The following NTNG2 variants were observed in gnomAD, a reference collection of about 807,000 sequenced individuals.
NTNG2 encodes the protein netrin-G2.
A neutral mutation model predicts 47.6 loss-of-function variants in NTNG2; 15 were observed. The observed-to-expected ratio is 0.32, with a 90% CI of 0.21 to 0.49. The LOEUF is 0.49. Among genes scored for constraint, NTNG2 ranks in the 20% least tolerant of loss-of-function variants. The pLI, the probability that NTNG2 is intolerant of heterozygous loss-of-function variation, is 0.99. For synonymous variants in NTNG2, 307 were observed against 324.6 expected, an observed-to-expected ratio of 0.95 and a Z score of 0.58; for missense variants, 578 against 764.6, an observed-to-expected ratio of 0.76 and a Z score of 2.88.
intron 2 of NTNG2, among the ~76,000 whole-genome samples, chr9:132,190,232 CAAAAAA>C (rs58974463): frequency 1.4e-5 from 1 of 69,928 alleles, no homozygotes; most frequent in African/African-American, 5.6e-5. Context: ...GACTCCATCT[CAAAAAA>C]AAAAAAAAAA....
chr9:132,237,305 G>T (rs1437617773), intron 5 of NTNG2, among the ~76,000 whole-genome samples: 1 of 152,152 alleles, frequency 6.6e-6, no homozygotes. Flanking sequence ...ATCTGAGCAG[G>T]CGACAAGGCT....
chr9:132,214,640 C>T (rs376934651), intron 3 of NTNG2, among the ~76,000 whole-genome samples: 2 of 152,196 alleles, frequency 1.3e-5, no homozygotes, highest in Admixed American at 6.5e-5. Flanking sequence ...CAAGTGAGTG[C>T]GCCCCATGTC....
rs950546861 is a variant in NTNG2, at chr9:132,162,893, G to A, written c.-484+654G>A. On this transcript the variant is annotated intron_variant, in intron 1 of 7. Transcript: ENST00000393229. This position sits in a 1 kb window ranked among gnomAD's most constrained non-coding sequence, Gnocchi z 4.6. ...GGCGTGGAGTCGAACCTGGAACTGA[G>A]CGGCGCGCAGGTGGGGGGAGCAGAG... Among the ~76,000 whole-genome samples the A allele has an allele frequency of 1.3e-5, 2 of 152,092 alleles. No individual in the cohort carries two copies. Among genetic ancestry groups the A allele is most frequent in the Non-Finnish European group, 2.9e-5 (2 of 68,010 alleles).
chr9:132,202,298 G>A (rs1838826335), intron 3 of NTNG2, among the ~76,000 whole-genome samples: 1 of 152,158 alleles, frequency 6.6e-6, no homozygotes. Flanking sequence ...GGAGGAGCTG[G>A]AGCAGCTGCA....
chr9:132,183,659 C>G (rs569860971), intron 2 of NTNG2, among the ~76,000 whole-genome samples: 2 of 152,110 alleles, frequency 1.3e-5, no homozygotes, highest in Admixed American at 6.5e-5. Flanking sequence ...GCAAATTGCC[C>G]GAGTCACCAG....
chr9:132,198,056 G>T lies in NTNG2; in HGVS notation c.304G>T (p.Gly102Cys). ...GCTCATGTTCGACAAGGAGGAGGAG[G>T]GCCTGGCCACCTACTGGCAGAGCAT... is the stretch of plus-strand genomic sequence containing the variant. ...PRLMFDKEEEGLATYWQSITW... is the reference protein window; with the variant it reads ...PRLMFDKEEECLATYWQSITW... Residue 102 changes from glycine to cysteine, a missense_variant, in exon 3 of 8, where the codon GGC (glycine) becomes TGC (cysteine). Gly to Cys is a radical substitution (Grantham distance 159). Transcript: ENST00000393229. 6.2e-7 allele frequency: 1 copy of T among 1,613,686 alleles called. No individual in the cohort carries two copies. Among genetic ancestry groups the T allele is most frequent in the Non-Finnish European group, 8.5e-7 (1 of 1,179,958 alleles).
Position 132,226,715 on chromosome 9 carries a change from G to C in NTNG2, c.858-134G>C, listed in dbSNP as rs560451667. 12 of 671,128 alleles carry C rather than the reference G, an allele frequency of 1.8e-5. No homozygotes were observed. Among genetic ancestry groups the C allele is most frequent in the Non-Finnish European group, 2.8e-5 (12 of 423,314 alleles). The allele number at this position is 671,128 out of a possible 1,614,324, so 41.6% of individuals were successfully genotyped here. A position where few individuals can be genotyped will look rare whatever the true frequency, so the allele number is the denominator to read the frequency against. On this transcript the variant is annotated intron_variant, in intron 3 of 7. Transcript: ENST00000393229. The surrounding 1 kb of genome is among the most constrained non-coding windows in gnomAD (Gnocchi z 4.8). Reference sequence around the variant, plus strand: ...AGTTTCTGGCCTAAAGGTTGGGCTGGTGGCCTCCAGGGTTTCTTCCTGGGC... The same window carrying C: ...AGTTTCTGGCCTAAAGGTTGGGCTGCTGGCCTCCAGGGTTTCTTCCTGGGC...
At position 132,242,035 on chromosome 9, in the gene NTNG2, C is replaced by T; in HGVS notation, c.1517C>T (p.Pro506Leu). Reference protein sequence around the residue: ...DDGGLDCDRAPGAAPRPATLL... With the variant: ...DDGGLDCDRALGAAPRPATLL... ...GGCGGTCTGGACTGCGACCGCGCGC[C>T]CGGGGCCGCCCCGCGCCCCGCCACC... Residue 506 changes from proline to leucine, a missense_variant, in exon 8 of 8, where the codon CCC becomes CTC. Transcript: ENST00000393229. The surrounding 1 kb of genome is among the most constrained non-coding windows in gnomAD (Gnocchi z 5.9). 1 of 1,290,240 alleles carries T rather than the reference C, an allele frequency of 7.8e-7. No homozygotes were observed. The highest frequency in any genetic ancestry group is 9.8e-7 in the Non-Finnish European group (1 of 1,023,268). The allele number at this position is 1,290,240 out of a possible 1,614,324, so 79.9% of individuals were successfully genotyped here.
At chr9:132,165,903 C>G (rs1415597699) in intron 1 of NTNG2, 2 of 152,184 alleles carry the variant, frequency 1.3e-5, no homozygotes, top group Non-Finnish European at 1.5e-5. Flanking sequence ...CTAATGCAGC[C>G]TCATTTTTTG....
intron 5 of NTNG2, among the ~76,000 whole-genome samples, chr9:132,234,876 T>C (rs577828058): frequency 2.8e-4 from 43 of 152,382 alleles, no homozygotes; most frequent in African/African-American, 9.9e-4. Flanking sequence ...ACTTGTTAGC[T>C]GGTAGCTTTT....
intron 2 of NTNG2, among the ~76,000 whole-genome samples, chr9:132,170,746 G>A (rs540864642): frequency 1.3e-5 from 2 of 152,270 alleles, no homozygotes; most frequent in East Asian, 3.9e-4. Context: ...CAGGCAGCAG[G>A]GTGCCAAGGG....
At chr9:132,165,139 C>A (rs1427164665) in intron 1 of NTNG2, among the ~76,000 whole-genome samples, 1 of 152,168 alleles carries the variant, frequency 6.6e-6, no homozygotes, top group Non-Finnish European at 1.5e-5. Flanking sequence ...TTTTTTACTG[C>A]AGTAACCTTT....
At chr9:132,219,163 G>T (rs760408444) in intron 3 of NTNG2, among the ~76,000 whole-genome samples, 25 of 151,236 alleles carry the variant, frequency 1.7e-4, no homozygotes, top group Non-Finnish European at 3.4e-4. Flanking sequence ...ATTGCAGTGA[G>T]CTGTGATCGT....
chr9:132,209,641 G>A (rs1839436698), intron 3 of NTNG2, among the ~76,000 whole-genome samples: 2 of 152,212 alleles, frequency 1.3e-5, no homozygotes, highest in Non-Finnish European at 2.9e-5. Context: ...CACAGTAGAC[G>A]CACCCAGAGC....
At chr9:132,210,953 TAAAC>T (rs889741399) in intron 3 of NTNG2, among the ~76,000 whole-genome samples, 1 of 152,046 alleles carries the variant, frequency 6.6e-6, no homozygotes, top group African/African-American at 2.4e-5. Flanking sequence ...GACTCACACA[TAAAC>T]ACACACCTGC....
At position 132,242,712 on chromosome 9, in the gene NTNG2, T is replaced by TA. The variant is rs1842063761; in HGVS notation, c.*601_*602insA. On this transcript the variant is annotated 3_prime_UTR_variant, in exon 8 of 8. Transcript: ENST00000393229. The surrounding 1 kb of genome is among the most constrained non-coding windows in gnomAD (Gnocchi z 5.9). ...GGTGGGGGGCCTGGAAACTTCGTTC[T>TA]GTAGAGAACTATTTTTGTTTGTATT... The TA allele has an allele frequency of 6.6e-6, 1 of 152,254 alleles. No homozygotes were observed. The highest frequency in any genetic ancestry group is 2.1e-4 in the South Asian group (1 of 4,834). The allele number at this position is 152,254 out of a possible 1,614,324, so 9.4% of individuals were successfully genotyped here. A position where few individuals can be genotyped will look rare whatever the true frequency, so the allele number is the denominator to read the frequency against.
chr9:132,223,982 T>TTAGA, intron 3 of NTNG2, among the ~76,000 whole-genome samples: 1 of 152,280 alleles, frequency 6.6e-6, no homozygotes, highest in Non-Finnish European at 1.5e-5. Context: ...CTCATGCTCT[T>TTAGA]GCCTCTTTCT....
chr9:132,195,479 T>C (rs1838230197), intron 2 of NTNG2, among the ~76,000 whole-genome samples: 9 of 140,006 alleles, frequency 6.4e-5, no homozygotes, highest in Non-Finnish European at 1.6e-5. Flanking sequence ...TGGCTATTTT[T>C]TTTTTTTTTT....
At chr9:132,200,530 G>A (rs1838667057) in intron 3 of NTNG2, among the ~76,000 whole-genome samples, 1 of 152,276 alleles carries the variant, frequency 6.6e-6, no homozygotes, top group South Asian at 2.1e-4. Flanking sequence ...GGGTTGGGGA[G>A]AAAGGCTGGA....
Sources: allele counts gnomAD v4.1 joint callset (sites outside exome capture counted in the v4.1 genomes callset), GRCh38; gene constraint gnomAD v4.1.1; non-coding constraint Gnocchi (gnomAD v3.1); transcripts MANE v1.5; gene names NCBI Gene and HGNC (gene_info 2026-07-23, HGNC 2026-07-21).